Variants in TUBB4A observed in about 807,000 individuals in gnomAD.
TUBB4A encodes the protein tubulin beta-4A chain.
TUBB4A carries 13 observed loss-of-function variants against 35.1 expected under a neutral mutation model. That is an observed-to-expected ratio of 0.37 (90% confidence interval 0.24 to 0.59). The LOEUF (loss-of-function observed/expected upper bound fraction) is 0.59, where lower values mean the gene tolerates loss of function less well. Ranked by LOEUF, TUBB4A falls within the 20% of genes least tolerant of loss-of-function variation. TUBB4A has a pLI of 0.71. For synonymous variants in TUBB4A, 279 were observed against 272.4 expected, an observed-to-expected ratio of 1.02 and a Z score of -0.24; for missense variants, 299 against 647.2, an observed-to-expected ratio of 0.46 and a Z score of 5.84.
chr19:6,498,366 C>G (rs1293034119), intron 3 of TUBB4A, among the ~76,000 whole-genome samples: 2 of 152,168 alleles, frequency 1.3e-5, no homozygotes, highest in Non-Finnish European at 2.9e-5. Flanking sequence ...TCCCCTGGCT[C>G]CTACCCTTAT....
At chr19:6,498,264 C>T (rs1914360023) in intron 3 of TUBB4A, among the ~76,000 whole-genome samples, 1 of 151,564 alleles carries the variant, frequency 6.6e-6, no homozygotes, top group South Asian at 2.1e-4. Flanking sequence ...TTACTGTGAA[C>T]AGCTAACGTT....
chr19:6,496,264 G>C, intron 3 of TUBB4A, 43 bp from the exon 4 acceptor site: 1 of 1,551,446 alleles, frequency 6.4e-7, no homozygotes, highest in African/African-American at 1.4e-5. Context: ...GTTATGGGGA[G>C]CCCCAACCCT....
Position 6,495,191 on chromosome 19 carries a change from C to T in TUBB4A, c.1308G>A (p.Glu436=), listed in dbSNP as rs1242838811. The stretch of plus-strand genomic sequence containing the variant: ...AGGCCACCTCCTCCTCCGCCTCCTC[C>T]TCGAACTCGCCCTCCTCGGCCGTGG... ...QDATAEEGEF[E]EEAEEEVA is the part of the protein sequence containing the mutation. Residue 436 remains glutamate (E), a synonymous_variant, in exon 4 of 4, where the codon GAG becomes GAA. Coordinates refer to ENST00000264071, the MANE Select transcript of TUBB4A (RefSeq NM_006087.4). The surrounding 1 kb of genome is among the most constrained non-coding windows in gnomAD (Gnocchi z 8.7). The T allele has an allele frequency of 6.2e-7, 1 of 1,613,980 alleles. No individual in the cohort carries two copies. The highest frequency in any genetic ancestry group is 8.5e-7 in the Non-Finnish European group (1 of 1,179,884).
chr19:6,495,567 A>G lies in TUBB4A; in HGVS notation c.932T>C (p.Leu311Pro). 1 of 1,613,994 alleles carries G rather than the reference A, an allele frequency of 6.2e-7. No individual in the cohort carries two copies. Residue 311 changes from leucine to proline, a missense_variant, in exon 4 of 4, where the codon CTG (leucine) becomes CCG (proline). By Grantham distance (98) the Leu-to-Pro change is moderately conservative. This residue lies in a region of TUBB4A where 125 missense variants were observed against 279.1 expected (regional missense o/e 0.45). Coordinates refer to ENST00000264071, the MANE Select transcript of TUBB4A (RefSeq NM_006087.4). This position sits in a 1 kb window ranked among gnomAD's most constrained non-coding sequence, Gnocchi z 8.7. The part of the protein sequence containing the change: ...AACDPRHGRY[L>P]TVAAVFRGRM... Reference sequence around the variant, plus strand: ...GCCCCGGAACACGGCGGCCACGGTCAGGTAGCGGCCGTGGCGCGGGTCGCA... The same window carrying G: ...GCCCCGGAACACGGCGGCCACGGTCGGGTAGCGGCCGTGGCGCGGGTCGCA...
rs1466076372 is a variant in TUBB4A at position 6,502,138 on chromosome 19, G to A, written c.57+18C>T. 1.9e-6 allele frequency: 3 copies of A among 1,557,382 alleles called. No individual in the cohort carries two copies. The highest frequency in any genetic ancestry group is 2.6e-6 in the Non-Finnish European group (3 of 1,160,536). On this transcript the variant is annotated intron_variant, in intron 1 of 3. Transcript: ENST00000264071. ...CCCGGGGCCGCCACTGCCTCCCCGG[G>A]CCCCGTTCCCCGAGCACCTTGGCCC...
intron 3 of TUBB4A, among the ~76,000 whole-genome samples, chr19:6,499,454 GAA>G (rs1914427534): frequency 6.6e-6 from 1 of 152,172 alleles, no homozygotes. Context: ...GCGAGTTGCG[GAA>G]AAGATTCAGA....
At position 6,494,954 on chromosome 19, in the gene TUBB4A, T is replaced by G. The variant is rs1477551132; in HGVS notation, c.*210A>C. On this transcript the variant is annotated 3_prime_UTR_variant, in exon 4 of 4. Transcript: ENST00000264071. ...CTGGGAATGTCAAGGTTGGAAGAGC[T>G]CAAGGGGGTTAAAGATAAATTAGGG... 1 of 636,276 alleles carries G rather than the reference T, an allele frequency of 1.6e-6. No homozygotes were observed. The highest frequency in any genetic ancestry group is 2.7e-6 in the Non-Finnish European group (1 of 371,532). 39.4% of individuals were successfully genotyped at this position (636,276 alleles called of 1,614,324 possible).
chr19:6,502,369 A>T (rs1914583650), upstream of TUBB4A: 1 of 786,478 alleles, frequency 1.3e-6, no homozygotes, highest in Admixed American at 4.1e-5. Context: ...ACGGCCGGTC[A>T]CCCTCCCGCT....
chr19:6,496,446 G>A (rs1188805621), intron 3 of TUBB4A: 28 of 454,642 alleles, frequency 6.2e-5, no homozygotes, highest in South Asian at 1.7e-4. Context: ...TGGCTAACAC[G>A]GTGAAACCCC....
Position 6,496,070 on chromosome 19 carries a change from CG to C in TUBB4A, c.428del (p.Thr143ArgfsTer22). 6.2e-7 allele frequency: 1 copy of C among 1,614,202 alleles called. No homozygotes were observed. Among genetic ancestry groups the C allele is most frequent in the South Asian group, 1.1e-5 (1 of 91,092 alleles). ...FQLTHSLGGGTGSGMGTLLIS... is the reference protein window; with the variant it reads ...FQLTHSLGGGXGSGMGTLLIS... ...TGAGCAGCGTGCCCATTCCGGACCC[CG>C]TGCCACCCCCCAGCGAGTGGGTCAG... On this transcript the variant is annotated frameshift_variant, in exon 4 of 4. Transcript: ENST00000264071. LOFTEE classifies it high-confidence loss of function.
intron 3 of TUBB4A, among the ~76,000 whole-genome samples, chr19:6,500,090 C>T (rs1046795190): frequency 6.6e-6 from 1 of 152,034 alleles, no homozygotes; most frequent in Non-Finnish European, 1.5e-5. Context: ...CGTGCCCACC[C>T]TGAGCCTCAC....
chr19:6,499,604 C>A (rs1914436083), intron 3 of TUBB4A, among the ~76,000 whole-genome samples: 1 of 152,188 alleles, frequency 6.6e-6, no homozygotes, highest in Non-Finnish European at 1.5e-5. Context: ...GTGGACACCC[C>A]ACTATCTTCA....
rs1914565357 is a variant in TUBB4A, at chr19:6,502,147, C to T, written c.57+9G>A. The T allele has an allele frequency of 6.4e-7, 1 of 1,567,292 alleles. No homozygotes were observed. Among genetic ancestry groups the T allele is most frequent in the African/African-American group, 1.4e-5 (1 of 71,584 alleles). On this transcript the variant is annotated intron_variant, in intron 1 of 3. Transcript: ENST00000264071. ...GCCACTGCCTCCCCGGGCCCCGTTCCCCGAGCACCTTGGCCCCGATCTGGT... is the reference window on the plus strand; with the variant it reads ...GCCACTGCCTCCCCGGGCCCCGTTCTCCGAGCACCTTGGCCCCGATCTGGT...
rs1914094566 is a variant in TUBB4A at position 6,495,398 on chromosome 19, GAA to G, written c.1099_1100del (p.Phe367HisfsTer50). 1 of 1,613,886 alleles carries G rather than the reference GAA, an allele frequency of 6.2e-7. No individual in the cohort carries two copies. The highest frequency in any genetic ancestry group is 1.7e-5 in the Admixed American group (1 of 60,006). ...CCTGGATGGCCGTGCTGTTGCCGATGAAGGTCGCGGCCATCTTCAGGCCGCGG... is the reference window on the plus strand; with the variant it reads ...CCTGGATGGCCGTGCTGTTGCCGATGGGTCGCGGCCATCTTCAGGCCGCGG... Reference protein sequence around the residue: ...PPRGLKMAATFIGNSTAIQEL... With the variant: ...PPRGLKMAATXIGNSTAIQEL... On this transcript the variant is annotated frameshift_variant, in exon 4 of 4. Transcript: ENST00000264071. LOFTEE classifies it high-confidence loss of function. This position sits in a 1 kb window ranked among gnomAD's most constrained non-coding sequence, Gnocchi z 8.7.
chr19:6,498,975 T>G (rs1186520674), intron 3 of TUBB4A, among the ~76,000 whole-genome samples: 1 of 152,090 alleles, frequency 6.6e-6, no homozygotes, highest in East Asian at 1.9e-4. Context: ...GGGCTTACAG[T>G]TGGGCCAAGA....
chr19:6,501,791 C>G lies in TUBB4A; in HGVS notation c.58-168G>C, dbSNP rs1914545638. 2 of 624,350 alleles carry G rather than the reference C, an allele frequency of 3.2e-6. No homozygotes were observed. Among genetic ancestry groups the G allele is most frequent in the Admixed American group, 3.0e-5 (1 of 33,486 alleles). The allele number at this position is 624,350 out of a possible 1,614,324, so 38.7% of individuals were successfully genotyped here. A position where few individuals can be genotyped will look rare whatever the true frequency, so the allele number is the denominator to read the frequency against. On this transcript the variant is annotated intron_variant, in intron 1 of 3. Coordinates refer to ENST00000264071, the MANE Select transcript of TUBB4A (RefSeq NM_006087.4). This position sits in a 1 kb window ranked among gnomAD's most constrained non-coding sequence, Gnocchi z 4.2. ...GCGAGGATGAGGCAGCAAGAAGGAG[C>G]GGTGGGGGCGGGGTGCAGCCGAGTC...
At chr19:6,497,024 A>AAATATAT (rs1568410509) in intron 3 of TUBB4A, among the ~76,000 whole-genome samples, 1 of 22,006 alleles carries the variant, frequency 4.5e-5, no homozygotes, top group Non-Finnish European at 7.4e-5. Context: ...AAAAAAAAAA[A>AAATATAT]ATATATATAT....
chr19:6,498,661 T>A (rs1301488404), intron 3 of TUBB4A, among the ~76,000 whole-genome samples: 1 of 152,226 alleles, frequency 6.6e-6, no homozygotes, highest in Non-Finnish European at 1.5e-5. Flanking sequence ...GGTATTCACC[T>A]GACTTTTTCC....
rs1469859932 is a variant in TUBB4A, at chr19:6,494,537, T to G, written c.*627A>C. 1,368 of 84,624 alleles carry G rather than the reference T, an allele frequency of 0.016. No individual in the cohort carries two copies. Among genetic ancestry groups the G allele is most frequent in the African/African-American group, 0.019 (413 of 21,610 alleles). The allele number at this position is 84,624 out of a possible 1,614,324, so 5.2% of individuals were successfully genotyped here. A position where few individuals can be genotyped will look rare whatever the true frequency, so the allele number is the denominator to read the frequency against. On this transcript the variant is annotated 3_prime_UTR_variant, in exon 4 of 4. Coordinates refer to ENST00000264071, the MANE Select transcript of TUBB4A (RefSeq NM_006087.4). ...AGGTAGGAGCTGACGCTGTGGGGGGTGGGGGGTGAAAGGTGAGGCAAGGTC... is the reference window on the plus strand; with the variant it reads ...AGGTAGGAGCTGACGCTGTGGGGGGGGGGGGGTGAAAGGTGAGGCAAGGTC...
Sources: gnomAD v4.1 joint callset for allele counts (sites outside exome capture counted in the v4.1 genomes callset) on GRCh38, gnomAD v4.1.1 for gene constraint, gnomAD v4.1.1 regional missense constraint, Gnocchi (gnomAD v3.1) non-coding constraint, MANE v1.5 for transcripts, NCBI Gene and HGNC (gene_info 2026-07-23, HGNC 2026-07-21) for gene names.